Variants in TRIM26 observed in about 807,000 individuals in gnomAD.
TRIM26 encodes tripartite motif containing 26, also known as tripartite motif-containing protein 26.
A neutral mutation model predicts 45.5 loss-of-function variants in TRIM26; 16 were observed. The ratio of observed to expected loss-of-function variants is 0.35; its 90% confidence interval spans 0.24 to 0.53. The LOEUF is 0.53. Ranked by LOEUF, TRIM26 falls within the 20% of genes least tolerant of loss-of-function variation. The pLI, the probability that TRIM26 is intolerant of heterozygous loss-of-function variation, is 0.92. For synonymous variants in TRIM26, 273 were observed against 290.4 expected (o/e 0.94, Z 0.61); for missense variants, 442 against 691.1 (o/e 0.64, Z 4.04).
At chr6:30,211,447 A>C (rs542076145) in intron 1 of TRIM26, among the ~76,000 whole-genome samples, 6 of 152,276 alleles carry the variant, frequency 3.9e-5, no homozygotes, top group Admixed American at 3.9e-4. Context: ...AAGAAGCCTC[A>C]ATACAGACCA....
chr6:30,195,068 C>A (rs565318561), intron 6 of TRIM26, among the ~76,000 whole-genome samples: 1 of 152,286 alleles, frequency 6.6e-6, no homozygotes, highest in South Asian at 2.1e-4. Flanking sequence ...TTATCCCACC[C>A]CAGGGAGAGC....
chr6:30,186,904 C>CA lies in TRIM26; in HGVS notation c.938-347dup, dbSNP rs1775253579. The CA allele has an allele frequency of 2.0e-5, 13 of 652,422 alleles. No homozygotes were observed. Among genetic ancestry groups the CA allele is most frequent in the South Asian group, 1.2e-4 (7 of 57,690 alleles). The allele number at this position is 652,422 out of a possible 1,614,324, so 40.4% of individuals were successfully genotyped here. A position where few individuals can be genotyped will look rare whatever the true frequency, so the allele number is the denominator to read the frequency against. On this transcript the variant is annotated intron_variant, in intron 9 of 9. Transcript: ENST00000454678. This position sits in a 1 kb window ranked among gnomAD's most constrained non-coding sequence, Gnocchi z 7.4. ...TTAATATCATCCAAGTGTGGATCAC[C>CA]AGTCCCTGAAAAATCTGTTCCATTT... is the stretch of plus-strand genomic sequence containing the variant.
rs866533630 is a variant in TRIM26, at chr6:30,213,386, G to C, written c.-457C>G. On this transcript the variant is annotated 5_prime_UTR_variant, in exon 1 of 10. Transcript: ENST00000454678. ...TCTGTTCCGGGTCCCGCTCCTGCAC[G>C]AGCAACCAGCGCGACAGCTCGTCCC... 2 of 152,298 alleles carry C rather than the reference G, an allele frequency of 1.3e-5. No homozygotes were observed. Among genetic ancestry groups the C allele is most frequent in the African/African-American group, 4.8e-5 (2 of 41,466 alleles). The allele number at this position is 152,298 out of a possible 1,614,324, so 9.4% of individuals were successfully genotyped here. A position where few individuals can be genotyped will look rare whatever the true frequency, so the allele number is the denominator to read the frequency against.
intron 6 of TRIM26, among the ~76,000 whole-genome samples, chr6:30,193,149 T>C (rs1776073185): frequency 1.7e-5 from 1 of 59,888 alleles, no homozygotes; most frequent in Non-Finnish European, 2.9e-5. Context: ...TGTGTGTGTG[T>C]GTGTGTGTGT....
At chr6:30,200,044 G>A (rs1390614472) in intron 3 of TRIM26, among the ~76,000 whole-genome samples, 1 of 152,136 alleles carries the variant, frequency 6.6e-6, no homozygotes, top group Non-Finnish European at 1.5e-5. Flanking sequence ...GCTGAGGCAG[G>A]AGGATCACTT....
intron 6 of TRIM26, among the ~76,000 whole-genome samples, chr6:30,192,960 T>A (rs1776004527): frequency 6.6e-6 from 1 of 151,158 alleles, no homozygotes; most frequent in East Asian, 1.9e-4. Flanking sequence ...ATCAGTTGGC[T>A]GTAAATATGT....
In TRIM26 at chr6:30,198,710, G is replaced by A. The variant is rs778882572; in HGVS notation, c.394C>T (p.Pro132Ser). ...VMCRESREHR[P>S]HTAVLMEKAA... The stretch of plus-strand genomic sequence containing the variant: ...TTCTCCATGAGGACGGCCGTGTGGG[G>A]CCTGTGCTCCCGGGACTCCCGGCAC... The change falls in exon 4 of 10, where the codon CCC (proline) becomes TCC (serine). Residue 132 changes from proline to serine, a missense_variant. By Grantham distance (74) the Pro-to-Ser change is moderately conservative. Coordinates refer to ENST00000454678, the MANE Select transcript of TRIM26 (RefSeq NM_003449.5). This position sits in a 1 kb window ranked among gnomAD's most constrained non-coding sequence, Gnocchi z 6.3. 58 of 1,604,932 alleles carry A rather than the reference G, an allele frequency of 3.6e-5. No homozygotes were observed. The highest frequency in any genetic ancestry group is 4.6e-5 in the Non-Finnish European group (54 of 1,179,828).
At chr6:30,191,191 G>A (rs1245644218) in intron 6 of TRIM26, among the ~76,000 whole-genome samples, 1 of 152,128 alleles carries the variant, frequency 6.6e-6, no homozygotes, top group Non-Finnish European at 1.5e-5. Context: ...TGTACAGGGG[G>A]GAGAATGGTG....
At chr6:30,191,163 C>A (rs146283354) in intron 6 of TRIM26, among the ~76,000 whole-genome samples, 1 of 152,046 alleles carries the variant, frequency 6.6e-6, no homozygotes, top group Non-Finnish European at 1.5e-5. Flanking sequence ...CAAGGATAAA[C>A]AAGAACAGAG....
chr6:30,199,066 T>G lies in TRIM26; in HGVS notation c.38A>C (p.Glu13Ala). Residue 13 changes from glutamate (E) to alanine (A), a missense_variant, in exon 4 of 10, where the codon GAG (glutamate) becomes GCG (alanine). Physicochemically the swap from Glu to Ala is moderately radical, Grantham distance 107. Coordinates refer to ENST00000454678, the MANE Select transcript of TRIM26 (RefSeq NM_003449.5). Reference protein sequence around the residue: ...TSAPLRSLEEEVTCSICLDYL... With the variant: ...TSAPLRSLEEAVTCSICLDYL... ...ATCAAGACAGATGGAGCAGGTCACC[T>G]CCTCTTCCAGGCTCCGTAGTGGGGC... 6.3e-7 allele frequency: 1 copy of G among 1,588,910 alleles called. No homozygotes were observed. Among genetic ancestry groups the G allele is most frequent in the East Asian group, 2.3e-5 (1 of 44,416 alleles).
chr6:30,188,986 G>A (rs1455359908), intron 9 of TRIM26, among the ~76,000 whole-genome samples, 181 bp downstream of exon 9: 1 of 152,128 alleles, frequency 6.6e-6, no homozygotes, highest in Non-Finnish European at 1.5e-5. Flanking sequence ...GGCCTCTACT[G>A]CAGACTAAAG....
In TRIM26 at chr6:30,189,896, G is replaced by A. The variant is rs1458639472; in HGVS notation, c.788+117C>T. On this transcript the variant is annotated intron_variant, in intron 7 of 9. Coordinates refer to ENST00000454678, the MANE Select transcript of TRIM26 (RefSeq NM_003449.5). The surrounding 1 kb of genome is among the most constrained non-coding windows in gnomAD (Gnocchi z 5.0). Reference sequence around the variant, plus strand: ...TCAGAAGGGCATCAGGATGAACCATGGGATGTGAGTACCTCTGGCACCATA... The same window carrying A: ...TCAGAAGGGCATCAGGATGAACCATAGGATGTGAGTACCTCTGGCACCATA... 1 of 1,235,818 alleles carries A rather than the reference G, an allele frequency of 8.1e-7. No homozygotes were observed. Among genetic ancestry groups the A allele is most frequent in the Non-Finnish European group, 1.2e-6 (1 of 845,508 alleles). 76.6% of individuals were successfully genotyped at this position (1,235,818 alleles called of 1,614,324 possible).
chr6:30,212,857 G>A (rs1778416536), intron 1 of TRIM26, among the ~76,000 whole-genome samples: 1 of 149,524 alleles, frequency 6.7e-6, no homozygotes, highest in Non-Finnish European at 1.5e-5. Flanking sequence ...ATGCTAATGA[G>A]CTGGAAGGAG....
chr6:30,195,106 G>C (rs1003839338), intron 6 of TRIM26, among the ~76,000 whole-genome samples: 1 of 152,006 alleles, frequency 6.6e-6, no homozygotes, highest in Non-Finnish European at 1.5e-5. Flanking sequence ...GAGTCATTGA[G>C]GGCCAGGCTT....
rs528764584 is a variant in TRIM26 at position 30,187,957 on chromosome 6, C to T, written c.937+1210G>A. Among the ~76,000 whole-genome samples the T allele has an allele frequency of 3.7e-4, 53 of 141,798 alleles. 1 individual carries two copies. Among genetic ancestry groups the T allele is most frequent in the African/African-American group, 8.0e-5 (3 of 37,572 alleles). The allele number at this position is 141,798 out of a possible 152,430, so 93.0% of individuals were successfully genotyped here. ...AAAAAAGGCCGGGCGCGGTGGCTCA[C>T]GCCTGTAATCCCAGCACTTTGGGAG... On this transcript the variant is annotated intron_variant, in intron 9 of 9. Coordinates refer to ENST00000454678, the MANE Select transcript of TRIM26 (RefSeq NM_003449.5).
At position 30,196,917 on chromosome 6, in the gene TRIM26, A is replaced by T. The variant is rs1471552624; in HGVS notation, c.535-171T>A. On this transcript the variant is annotated intron_variant, in intron 5 of 9. Transcript: ENST00000454678. The surrounding 1 kb of genome is among the most constrained non-coding windows in gnomAD (Gnocchi z 4.9). ...GTTCCTGGTCCACACTCCGCTTCTC[A>T]AAGAAGACTCCAGTAATGAATTAGT... Among the ~76,000 whole-genome samples the T allele has an allele frequency of 6.6e-6, 1 of 152,154 alleles. No individual in the cohort carries two copies. The highest frequency in any genetic ancestry group is 2.4e-5 in the African/African-American group (1 of 41,432).
rs750036292 is a variant in TRIM26, at chr6:30,185,828, AAAG to A, written c.*45_*47del. 1.2e-5 allele frequency: 18 copies of A among 1,560,316 alleles called. No individual in the cohort carries two copies. Among genetic ancestry groups the A allele is most frequent in the Non-Finnish European group, 1.1e-5 (13 of 1,151,944 alleles). On this transcript the variant is annotated 3_prime_UTR_variant, in exon 10 of 10. Coordinates refer to ENST00000454678, the MANE Select transcript of TRIM26 (RefSeq NM_003449.5). This position sits in a 1 kb window ranked among gnomAD's most constrained non-coding sequence, Gnocchi z 5.7. Reference sequence around the variant, plus strand: ...CCCCCATTGAGAGTCCTGGAATTCCAAAGAAGTGAAGCATCTGAGGGTTGGGGC... The same window carrying A: ...CCCCCATTGAGAGTCCTGGAATTCCAAAGTGAAGCATCTGAGGGTTGGGGC...
chr6:30,199,220 G>T lies in TRIM26; in HGVS notation c.-117C>A, dbSNP rs2127512928. 1.0e-6 allele frequency: 1 copy of T among 982,358 alleles called. No individual in the cohort carries two copies. The highest frequency in any genetic ancestry group is 1.9e-5 in the South Asian group (1 of 53,298). The allele number at this position is 982,358 out of a possible 1,614,324, so 60.9% of individuals were successfully genotyped here. On this transcript the variant is annotated 5_prime_UTR_variant, in exon 4 of 10. Coordinates refer to ENST00000454678, the MANE Select transcript of TRIM26 (RefSeq NM_003449.5). ...GGGCAAAGGTGGCAGCCTGCACAGG[G>T]CTGCCAGCTCCAGCACTCAGTCAAT...
rs1274118668 is a variant in TRIM26 at position 30,198,095 on chromosome 6, G to A, written c.534+334C>T. Among the ~76,000 whole-genome samples, 1 of 152,174 alleles carries A rather than the reference G, an allele frequency of 6.6e-6. No homozygotes were observed. Among genetic ancestry groups the A allele is most frequent in the Non-Finnish European group, 1.5e-5 (1 of 68,026 alleles). ...TCTCTCTCTCTCTCTTTGAAAGGAAGAATGAAGCCACACCTTCTTCAGTCC... is the reference window on the plus strand; with the variant it reads ...TCTCTCTCTCTCTCTTTGAAAGGAAAAATGAAGCCACACCTTCTTCAGTCC... On this transcript the variant is annotated intron_variant, in intron 5 of 9. Coordinates refer to ENST00000454678, the MANE Select transcript of TRIM26 (RefSeq NM_003449.5). The surrounding 1 kb of genome is among the most constrained non-coding windows in gnomAD (Gnocchi z 6.3).
Sources: allele counts gnomAD v4.1 joint callset (sites outside exome capture counted in the v4.1 genomes callset), GRCh38; gene constraint gnomAD v4.1.1; non-coding constraint Gnocchi (gnomAD v3.1); transcripts MANE v1.5; gene names NCBI Gene and HGNC (gene_info 2026-07-23, HGNC 2026-07-21).